EIF3E: variants seen among roughly 807,000 people sequenced by gnomAD.
EIF3E encodes eIF-3 p48.
In EIF3E, 25 loss-of-function variants were observed where a neutral mutation model predicts 59.3. The observed-to-expected ratio is 0.42, with a 90% CI of 0.31 to 0.59. The LOEUF is 0.59. EIF3E is among the 20% of genes least tolerant of loss of function. EIF3E has a pLI of 0.15. For missense variants in EIF3E, 317 were observed against 534.3 expected (o/e 0.59, Z 4.01); for synonymous variants, 176 against 170.2 (o/e 1.03, Z -0.26).
At chr8:108,213,836 C>G (rs1256637421) in intron 10 of EIF3E, among the ~76,000 whole-genome samples, 1 of 152,184 alleles carries the variant, frequency 6.6e-6, no homozygotes, top group Non-Finnish European at 1.5e-5. Flanking sequence ...TAACTCTGGA[C>G]AACCACTTCA....
chr8:108,239,609 C>T (rs1215201171), intron 3 of EIF3E, among the ~76,000 whole-genome samples: 1 of 152,086 alleles, frequency 6.6e-6, no homozygotes, highest in Non-Finnish European at 1.5e-5. Context: ...TAACTGGCCT[C>T]TACTCACTAG....
intron 9 of EIF3E, among the ~76,000 whole-genome samples, chr8:108,215,555 T>G (rs1047484610): frequency 6.6e-6 from 1 of 152,038 alleles, no homozygotes; most frequent in Non-Finnish European, 1.5e-5. Context: ...GAGGTGGAGT[T>G]TGCAGTGAGC....
intron 7 of EIF3E, among the ~76,000 whole-genome samples, chr8:108,221,937 G>A (rs1203543954): frequency 6.6e-6 from 1 of 152,066 alleles, no homozygotes; most frequent in African/African-American, 2.4e-5. Context: ...ATTAAAATAT[G>A]AAAGCCATTC....
intron 5 of EIF3E, chr8:108,233,626 C>A: frequency 2.6e-6 from 1 of 390,448 alleles, no homozygotes; most frequent in Non-Finnish European, 5.2e-6. Context: ...AGGATCACTT[C>A]AGGCCAGGAG....
At chr8:108,207,696 T>C (rs893519813) in intron 10 of EIF3E, among the ~76,000 whole-genome samples, 1 of 152,190 alleles carries the variant, frequency 6.6e-6, no homozygotes, top group Non-Finnish European at 1.5e-5. Context: ...TTTATAAATA[T>C]CTTTAACCTA....
intron 5 of EIF3E, 41 bp downstream of exon 5, chr8:108,234,957 A>AT (rs2129909909): frequency 7.9e-7 from 1 of 1,261,296 alleles, no homozygotes; most frequent in Non-Finnish European, 1.1e-6. Context: ...ATCCTACAAA[A>AT]GACAAAAAAA....
At chr8:108,202,087 A>C (rs888902125) in intron 12 of EIF3E, among the ~76,000 whole-genome samples, 164 bp from the exon 13 acceptor site, 2 of 152,080 alleles carry the variant, frequency 1.3e-5, no homozygotes, top group African/African-American at 4.8e-5. Context: ...TGTCCCACTC[A>C]GGACAAAACA....
chr8:108,201,995 G>A (rs1815003701), intron 12 of EIF3E, 72 bp from the exon 13 acceptor site: 1 of 1,380,390 alleles, frequency 7.2e-7, no homozygotes, highest in Non-Finnish European at 9.8e-7. Flanking sequence ...ATAGAAGAAA[G>A]TAACACAGCA....
intron 7 of EIF3E, among the ~76,000 whole-genome samples, chr8:108,223,200 A>C (rs1419755905): frequency 6.6e-6 from 1 of 152,202 alleles, no homozygotes; most frequent in Non-Finnish European, 1.5e-5. Context: ...AATACACTGA[A>C]ATGACTTCAC....
At chr8:108,247,784 A>G (rs190686288) in intron 1 of EIF3E, among the ~76,000 whole-genome samples, 2 of 152,328 alleles carry the variant, frequency 1.3e-5, no homozygotes, top group Admixed American at 1.3e-4. Flanking sequence ...TGCATTATTA[A>G]AATGCATCAA....
At chr8:108,216,574 C>A in intron 8 of EIF3E, 61 bp from the exon 9 acceptor site, 1 of 1,093,954 alleles carries the variant, frequency 9.1e-7, no homozygotes. Context: ...CAGATTGCCC[C>A]AGAATATCCC....
chr8:108,235,201 G>T, intron 4 of EIF3E, 99 bp from the exon 5 acceptor site: 1 of 604,372 alleles, frequency 1.7e-6, no homozygotes, highest in Non-Finnish European at 2.7e-6. Context: ...GAATGTTTAA[G>T]TCACCAACTT....
chr8:108,240,424 T>C (rs1490715056), intron 2 of EIF3E, among the ~76,000 whole-genome samples: 1 of 152,198 alleles, frequency 6.6e-6, no homozygotes, highest in Non-Finnish European at 1.5e-5. Context: ...TCCAAGTGTT[T>C]TTATATTTGT....
chr8:108,224,976 A>T (rs1435824989), intron 7 of EIF3E, among the ~76,000 whole-genome samples: 1 of 151,550 alleles, frequency 6.6e-6, no homozygotes, highest in Non-Finnish European at 1.5e-5. Context: ...TCAACCCTTA[A>T]GTACTAATCT....
rs1213656321 is a variant in EIF3E at position 108,248,484 on chromosome 8, T to C, written c.90+129A>G. 7 of 803,998 alleles carry C rather than the reference T, an allele frequency of 8.7e-6. No individual in the cohort carries two copies. In the South Asian group the frequency reaches 9.9e-5, roughly 11 times the overall value. 49.8% of individuals were successfully genotyped at this position (803,998 alleles called of 1,614,324 possible). A position where few individuals can be genotyped will look rare whatever the true frequency, so the allele number is the denominator to read the frequency against. On this transcript the variant is annotated intron_variant, in intron 1 of 12. Coordinates refer to ENST00000220849, the MANE Select transcript of EIF3E (RefSeq NM_001568.3). ...CGCTAAACTACCAGAAGATCCTTAG[T>C]GTCCGTCCAGGAACCAAACTCGCGA...
At chr8:108,224,767 C>T (rs533197157) in intron 7 of EIF3E, among the ~76,000 whole-genome samples, 1 of 151,564 alleles carries the variant, frequency 6.6e-6, no homozygotes, top group African/African-American at 2.4e-5. Context: ...GGTTATATCA[C>T]TCAGTTAAGT....
chr8:108,241,996 A>C lies in EIF3E; in HGVS notation c.91-83T>G. ...AATACTAAAACTAATTTACCTGGAA[A>C]TATATTTCAAGAAATACTTTATAAA... On this transcript the variant is annotated intron_variant, in intron 1 of 12. Coordinates refer to ENST00000220849, the MANE Select transcript of EIF3E (RefSeq NM_001568.3). 6 of 1,213,116 alleles carry C rather than the reference A, an allele frequency of 4.9e-6. No homozygotes were observed. The South Asian group carries it at 9.3e-5, about 19-fold the overall frequency. The allele number at this position is 1,213,116 out of a possible 1,614,324, so 75.1% of individuals were successfully genotyped here. A position where few individuals can be genotyped will look rare whatever the true frequency, so the allele number is the denominator to read the frequency against.
At chr8:108,220,677 G>A (rs1048385485) in intron 7 of EIF3E, among the ~76,000 whole-genome samples, 1 of 152,166 alleles carries the variant, frequency 6.6e-6, no homozygotes, top group Non-Finnish European at 1.5e-5. Context: ...CGGGTTGGGG[G>A]CACTTTCAAT....
At chr8:108,221,782 A>G (rs1424481845) in intron 7 of EIF3E, among the ~76,000 whole-genome samples, 3 of 141,362 alleles carry the variant, frequency 2.1e-5, no homozygotes, top group African/African-American at 8.1e-5. Context: ...TTAGAGCTCA[A>G]AAGCTGCCAG....
Sources: allele counts gnomAD v4.1 joint callset (sites outside exome capture counted in the v4.1 genomes callset), GRCh38; gene constraint gnomAD v4.1.1; transcripts MANE v1.5; gene names NCBI Gene and HGNC (gene_info 2026-07-23, HGNC 2026-07-21).